ZNF280D: variants seen among roughly 807,000 people sequenced by gnomAD.
The protein encoded by ZNF280D is zinc finger protein 280D, also known as suppressor of hairy wing homolog 4.
A neutral mutation model predicts 94.7 loss-of-function variants in ZNF280D; 39 were observed. The ratio of observed to expected loss-of-function variants is 0.41; its 90% confidence interval spans 0.32 to 0.54. The LOEUF is 0.54. Ranked by LOEUF, ZNF280D falls within the 20% of genes least tolerant of loss-of-function variation. The pLI is 0.22. For synonymous variants in ZNF280D, 398 were observed against 377.6 expected, an observed-to-expected ratio of 1.05 and a Z score of -0.63; for missense variants, 1,090 against 1,149.3, an observed-to-expected ratio of 0.95 and a Z score of 0.75.
chr15:56,699,781 T>C (rs2056950346), intron 6 of ZNF280D: 1 of 157,402 alleles, frequency 6.4e-6, no homozygotes, highest in African/African-American at 2.4e-5. Flanking sequence ...ACCCATGTCA[T>C]CACACAGAAT....
At chr15:56,669,950 TATATATATATA>T (rs1566960868) in intron 13 of ZNF280D, among the ~76,000 whole-genome samples, 61 of 1,050 alleles carry the variant, frequency 0.058, 22 homozygotes, top group African/African-American at 0.13. Context: ...ATATATATAT[TATATATATATA>T]TTATATATAT....
intron 1 of ZNF280D, among the ~76,000 whole-genome samples, chr15:56,724,174 A>C (rs1452505405): frequency 6.6e-6 from 1 of 152,170 alleles, no homozygotes; most frequent in East Asian, 1.9e-4. Flanking sequence ...AAGTCAAAAA[A>C]ACTTAAGTTA....
chr15:56,732,222 GCT>G (rs1275936596), intron 1 of ZNF280D, among the ~76,000 whole-genome samples: 2 of 152,108 alleles, frequency 1.3e-5, no homozygotes, highest in South Asian at 2.1e-4. Flanking sequence ...TCTCCCTGAG[GCT>G]CTGTTTCCTC....
chr15:56,683,824 G>C (rs555133525), intron 9 of ZNF280D, among the ~76,000 whole-genome samples: 1 of 152,244 alleles, frequency 6.6e-6, no homozygotes, highest in South Asian at 2.1e-4. Context: ...TTGAAACTAA[G>C]GGTCAGATAA....
chr15:56,726,720 T>G (rs2058647139), intron 1 of ZNF280D, among the ~76,000 whole-genome samples: 1 of 152,228 alleles, frequency 6.6e-6, no homozygotes, highest in Non-Finnish European at 1.5e-5. Context: ...TTCTCATTTA[T>G]TTTCCAGTTT....
intron 12 of ZNF280D, among the ~76,000 whole-genome samples, chr15:56,677,060 C>T (rs2055281446): frequency 1.3e-5 from 2 of 152,112 alleles, no homozygotes; most frequent in African/African-American, 4.8e-5. Context: ...TTTATCAGAT[C>T]TTTTTATCTA....
chr15:56,641,430 ATAT>A (rs2052622934), intron 20 of ZNF280D, among the ~76,000 whole-genome samples: 2 of 151,922 alleles, frequency 1.3e-5, no homozygotes, highest in Non-Finnish European at 2.9e-5. Flanking sequence ...ATTTGATATT[ATAT>A]CTTTTAATAT....
chr15:56,648,788 G>A (rs1052570854), intron 19 of ZNF280D, among the ~76,000 whole-genome samples: 1 of 152,178 alleles, frequency 6.6e-6, no homozygotes, highest in Non-Finnish European at 1.5e-5. Context: ...ATGGGTATGG[G>A]TAGAGTATAG....
intron 1 of ZNF280D, among the ~76,000 whole-genome samples, chr15:56,712,356 T>G (rs1399417968): frequency 6.6e-6 from 1 of 151,958 alleles, no homozygotes; most frequent in Non-Finnish European, 1.5e-5. Context: ...AAAAAAACGT[T>G]CAGGCTGGGC....
At chr15:56,711,096 A>G (rs2057736126) in intron 1 of ZNF280D, among the ~76,000 whole-genome samples, 1 of 152,204 alleles carries the variant, frequency 6.6e-6, no homozygotes, top group South Asian at 2.1e-4. Context: ...GAAGAGTAAA[A>G]CATGGTGAAG....
At chr15:56,721,564 T>A (rs2058360922) in intron 1 of ZNF280D, among the ~76,000 whole-genome samples, 3 of 152,236 alleles carry the variant, frequency 2.0e-5, no homozygotes, top group Admixed American at 6.5e-5. Context: ...TCTGCATCAG[T>A]ACCTGCTGCT....
intron 1 of ZNF280D, 68 bp from the exon 2 acceptor site, chr15:56,707,374 T>C: frequency 3.7e-6 from 5 of 1,344,180 alleles, no homozygotes; most frequent in South Asian, 2.5e-5. Context: ...ATTTAATCTT[T>C]TCTCCTATAC....
In ZNF280D at chr15:56,653,044, C is replaced by A. The variant is rs575456562; in HGVS notation, c.2213+1154G>T. 4.1e-6 allele frequency: 4 copies of A among 967,672 alleles called. No homozygotes were observed. In the African/African-American group the frequency reaches 7.0e-5, roughly 17 times the overall value. The allele number at this position is 967,672 out of a possible 1,614,324, so 59.9% of individuals were successfully genotyped here. A position where few individuals can be genotyped will look rare whatever the true frequency, so the allele number is the denominator to read the frequency against. On this transcript the variant is annotated intron_variant, in intron 19 of 21. Coordinates refer to ENST00000267807, the MANE Select transcript of ZNF280D (RefSeq NM_017661.4). ...TTTTAAAAAATCAAAATGCAAGAAT[C>A]GGTATTGTTAAAAAATTACAGAATT...
intron 16 of ZNF280D, among the ~76,000 whole-genome samples, chr15:56,665,246 A>G (rs1397163758): frequency 1.3e-5 from 2 of 152,186 alleles, no homozygotes; most frequent in African/African-American, 4.8e-5. Flanking sequence ...AATCTGCAAG[A>G]AAGTCACTTA....
intron 19 of ZNF280D, among the ~76,000 whole-genome samples, chr15:56,646,086 A>G (rs2140592554): frequency 6.6e-6 from 1 of 152,336 alleles, no homozygotes; most frequent in Admixed American, 6.5e-5. Flanking sequence ...AAAGTTGAAA[A>G]GAGGCTGTAA....
intron 7 of ZNF280D, among the ~76,000 whole-genome samples, chr15:56,691,252 TTC>T (rs2056406082): frequency 6.6e-6 from 1 of 152,220 alleles, no homozygotes; most frequent in Non-Finnish European, 1.5e-5. Context: ...ACTACTTGGC[TTC>T]TCTCTTTCAT....
chr15:56,691,279 A>G (rs1416762620), intron 7 of ZNF280D, among the ~76,000 whole-genome samples: 1 of 152,212 alleles, frequency 6.6e-6, no homozygotes, highest in Non-Finnish European at 1.5e-5. Flanking sequence ...TTCAGATAAC[A>G]TAAAAATGAT....
At chr15:56,715,694 T>C (rs981529898) in intron 1 of ZNF280D, among the ~76,000 whole-genome samples, 2 of 152,040 alleles carry the variant, frequency 1.3e-5, no homozygotes, top group African/African-American at 2.4e-5. Context: ...AGAGAATGAA[T>C]GGTAGTAACA....
At chr15:56,703,620 A>T (rs2057219498) in intron 4 of ZNF280D, among the ~76,000 whole-genome samples, 1 of 152,168 alleles carries the variant, frequency 6.6e-6, no homozygotes, top group Non-Finnish European at 1.5e-5. Context: ...TGGGGAGTCC[A>T]AGGCAGGTGG....
Sources: gnomAD v4.1 joint callset for allele counts (sites outside exome capture counted in the v4.1 genomes callset) on GRCh38, gnomAD v4.1.1 for gene constraint, MANE v1.5 for transcripts, NCBI Gene and HGNC (gene_info 2026-07-23, HGNC 2026-07-21) for gene names.